CCDC85A: variants seen among roughly 807,000 people sequenced by gnomAD.
The protein encoded by CCDC85A is coiled-coil domain-containing protein 85A.
CCDC85A carries 38 observed loss-of-function variants against 50.2 expected under a neutral mutation model. The observed-to-expected ratio is 0.76, with a 90% CI of 0.58 to 0.99. The LOEUF (loss-of-function observed/expected upper bound fraction) is 0.99. Among genes scored for constraint, CCDC85A ranks in the 50% least tolerant of loss-of-function variants. CCDC85A has a pLI of 0.00. For missense variants in CCDC85A, 820 were observed against 742.0 expected (o/e 1.11, Z -1.22); for synonymous variants, 366 against 301.4 (o/e 1.21, Z -2.22).
chr2:56,319,497 A>G (rs1013902870), intron 2 of CCDC85A, among the ~76,000 whole-genome samples: 5 of 152,124 alleles, frequency 3.3e-5, no homozygotes, highest in African/African-American at 1.2e-4. Flanking sequence ...CTCCTGGTAA[A>G]TGCTGTTTTG....
At chr2:56,235,149 G>A (rs1032247618) in intron 2 of CCDC85A, 2 of 152,146 alleles carry the variant, frequency 1.3e-5, no homozygotes, top group African/African-American at 4.8e-5. Context: ...AAACTATGAA[G>A]CTAAATACTT....
intron 2 of CCDC85A, among the ~76,000 whole-genome samples, chr2:56,267,218 C>T (rs1052899358): frequency 3.9e-5 from 6 of 152,162 alleles, no homozygotes; most frequent in African/African-American, 9.7e-5. Context: ...CCAGACCCCA[C>T]GCTCTTGCCA....
In CCDC85A at chr2:56,184,011, A is replaced by T. The variant is rs555694443; in HGVS notation, c.-614A>T. On this transcript the variant is annotated 5_prime_UTR_variant, in exon 1 of 6. Coordinates refer to ENST00000407595, the MANE Select transcript of CCDC85A (RefSeq NM_001080433.2). ...ACCCCTTCTCGACTCCGCTCTGCAA[A>T]TCGAAGGCTTTCCGGAGCAGCCTAG... The T allele has an allele frequency of 4.3e-4, 419 of 985,488 alleles. 4 individuals carry two copies. The African/African-American group carries it at 6.8e-3, about 16-fold the overall frequency. The allele number at this position is 985,488 out of a possible 1,614,324, so 61.0% of individuals were successfully genotyped here.
chr2:56,309,449 G>C (rs1198357012), intron 2 of CCDC85A, among the ~76,000 whole-genome samples: 1 of 152,172 alleles, frequency 6.6e-6, no homozygotes, highest in Non-Finnish European at 1.5e-5. Context: ...TTATGGTATA[G>C]TGATAGTTTA....
At chr2:56,217,877 A>T (rs1347246649) in intron 2 of CCDC85A, among the ~76,000 whole-genome samples, 1 of 151,796 alleles carries the variant, frequency 6.6e-6, no homozygotes. Context: ...GTTAGTCATA[A>T]TTATCTCTTT....
chr2:56,188,989 T>C (rs955283269), intron 1 of CCDC85A, among the ~76,000 whole-genome samples: 2 of 152,188 alleles, frequency 1.3e-5, no homozygotes, highest in Non-Finnish European at 2.9e-5. Context: ...CTAGCTAGAG[T>C]GTGATACAGG....
intron 2 of CCDC85A, among the ~76,000 whole-genome samples, chr2:56,296,475 A>T (rs1671953694): frequency 6.6e-6 from 1 of 152,124 alleles, no homozygotes; most frequent in Admixed American, 6.6e-5. Context: ...AGGCAGCTGA[A>T]CCGTCACCAG....
chr2:56,331,214 T>C (rs2104292951), intron 2 of CCDC85A, among the ~76,000 whole-genome samples: 1 of 152,016 alleles, frequency 6.6e-6, no homozygotes, highest in Middle Eastern at 3.4e-3. Context: ...ATAATAAACA[T>C]TGGAGACTGG....
intron 2 of CCDC85A, among the ~76,000 whole-genome samples, chr2:56,241,346 G>T (rs993397869): frequency 5.9e-5 from 9 of 151,964 alleles, no homozygotes; most frequent in African/African-American, 2.2e-4. Context: ...ACTCTTTTAG[G>T]TTTTTTTAAA....
chr2:56,356,299 C>A (rs1203741550), intron 3 of CCDC85A, among the ~76,000 whole-genome samples: 1 of 152,186 alleles, frequency 6.6e-6, no homozygotes. Context: ...CCTTTATCAA[C>A]TTTGTATTTT....
intron 2 of CCDC85A, among the ~76,000 whole-genome samples, chr2:56,220,375 T>G (rs1668273571): frequency 6.6e-6 from 1 of 152,034 alleles, no homozygotes; most frequent in Admixed American, 6.6e-5. Flanking sequence ...TTGTGTTATA[T>G]AAGGATAAAA....
chr2:56,232,803 T>C (rs1668831430), intron 2 of CCDC85A, among the ~76,000 whole-genome samples: 1 of 152,188 alleles, frequency 6.6e-6, no homozygotes, highest in African/African-American at 2.4e-5. Context: ...GTCCAAGACA[T>C]CACCATTGTT....
intron 4 of CCDC85A, among the ~76,000 whole-genome samples, chr2:56,375,284 G>A (rs1346221053): frequency 6.6e-6 from 1 of 152,174 alleles, no homozygotes; most frequent in Non-Finnish European, 1.5e-5. Flanking sequence ...TTTAAAAAGA[G>A]CAGAAAAGAT....
rs548458795 is a variant in CCDC85A, at chr2:56,348,210, C to T, written c.1317+5255C>T. On this transcript the variant is annotated intron_variant, in intron 3 of 5. Transcript: ENST00000407595. ...TGTTCTTTTTGATCAAATGCTCTGG[C>T]GCCCACATCTGCTTGGAAAGCAGTA... Among the ~76,000 whole-genome samples, 11 of 152,240 alleles carry T rather than the reference C, an allele frequency of 7.2e-5. No individual in the cohort carries two copies. The East Asian group carries it at 1.7e-3, about 24-fold the overall frequency.
chr2:56,296,035 G>A (rs1671933094), intron 2 of CCDC85A, among the ~76,000 whole-genome samples: 1 of 152,204 alleles, frequency 6.6e-6, no homozygotes, highest in African/African-American at 2.4e-5. Context: ...AATGAAAAAA[G>A]AAGTCAGTTT....
At chr2:56,285,101 CTTTT>C (rs1296011376) in intron 2 of CCDC85A, among the ~76,000 whole-genome samples, 7 of 145,038 alleles carry the variant, frequency 4.8e-5, no homozygotes, top group Non-Finnish European at 9.1e-5. Context: ...TCTTTTCTTT[CTTTT>C]TTTTTTTTCT....
intron 2 of CCDC85A, among the ~76,000 whole-genome samples, chr2:56,326,573 G>A (rs577235420): frequency 6.6e-6 from 1 of 152,104 alleles, no homozygotes; most frequent in South Asian, 2.1e-4. Flanking sequence ...AAATTAAAAG[G>A]CATAAAGAAC....
At chr2:56,274,657 T>G (rs937091466) in intron 2 of CCDC85A, among the ~76,000 whole-genome samples, 1 of 152,198 alleles carries the variant, frequency 6.6e-6, no homozygotes, top group Admixed American at 6.5e-5. Context: ...GAGTAGTGTT[T>G]CACCAAATGA....
intron 2 of CCDC85A, among the ~76,000 whole-genome samples, chr2:56,244,912 G>T (rs1312930573): frequency 6.6e-6 from 1 of 151,996 alleles, no homozygotes; most frequent in South Asian, 2.1e-4. Context: ...CGGATTCCCT[G>T]TTCTACTGTG....
Sources: allele counts gnomAD v4.1 joint callset (sites outside exome capture counted in the v4.1 genomes callset), GRCh38; gene constraint gnomAD v4.1.1; transcripts MANE v1.5; gene names NCBI Gene and HGNC (gene_info 2026-07-23, HGNC 2026-07-21).